Variants in SPIRE2 observed in about 807,000 individuals in gnomAD.
SPIRE2 encodes the protein protein spire homolog 2.
SPIRE2 carries 76 observed loss-of-function variants against 80.7 expected under a neutral mutation model. The observed-to-expected ratio is 0.94, with a 90% CI of 0.78 to 1.14. The LOEUF is 1.14. Ranked by LOEUF, SPIRE2 falls within the 50% of genes most tolerant of loss-of-function variation. The pLI is 0.00. For missense variants in SPIRE2, 1,196 were observed against 1,015.3 expected, an observed-to-expected ratio of 1.18 and a Z score of -2.42; for synonymous variants, 535 against 432.6, an observed-to-expected ratio of 1.24 and a Z score of -2.94.
rs1344555513 is a variant in SPIRE2 at position 89,858,395 on chromosome 16, C to G, written c.1160C>G (p.Ser387Cys). The G allele has an allele frequency of 2.5e-6, 4 of 1,612,182 alleles. No homozygotes were observed. In the African/African-American group the frequency reaches 5.3e-5, roughly 22 times the overall value. ...TGCTCCGGAGATGCCAAGTCCACCT[C>G]CTGCATCAACCTGTCAGTCACAGAT... ...NACSGDAKST[S>C]CINLSVTDAG... The change falls in exon 8 of 15, where the codon TCC (serine) becomes TGC (cysteine). Residue 387 changes from serine (S) to cysteine (C), a missense_variant. Transcript: ENST00000378247.
In SPIRE2 at chr16:89,850,156, G is replaced by T. The variant is rs1281692448; in HGVS notation, c.289-148G>T. 1.3e-5 allele frequency: 10 copies of T among 748,430 alleles called. No individual in the cohort carries two copies. In the East Asian group the frequency reaches 2.4e-4, roughly 18 times the overall value. 46.4% of individuals were successfully genotyped at this position (748,430 alleles called of 1,614,324 possible). On this transcript the variant is annotated intron_variant, in intron 2 of 14. Transcript: ENST00000378247. ...CGGCCGGGAACATCCTTTTCATCCG[G>T]TCCATGTCTTGCTTGTGCCTTGGTC...
chr16:89,863,765 G>C lies in SPIRE2; in HGVS notation c.1711-29G>C, dbSNP rs1567678379. Reference sequence around the variant, plus strand: ...GGGACCCCAGGGAGCTTTGGACAAAGCGGGGCTCTAACCAGTCTCTCCTGA... The same window carrying C: ...GGGACCCCAGGGAGCTTTGGACAAACCGGGGCTCTAACCAGTCTCTCCTGA... On this transcript the variant is annotated intron_variant, in intron 11 of 14. Coordinates refer to ENST00000378247, the MANE Select transcript of SPIRE2 (RefSeq NM_032451.2). The surrounding 1 kb of genome is among the most constrained non-coding windows in gnomAD (Gnocchi z 4.3). 1.2e-6 allele frequency: 2 copies of C among 1,613,518 alleles called. No individual in the cohort carries two copies. Among genetic ancestry groups the C allele is most frequent in the East Asian group, 2.2e-5 (1 of 44,870 alleles).
At chr16:89,836,854 G>A (rs955111220) in intron 1 of SPIRE2, among the ~76,000 whole-genome samples, 1 of 152,004 alleles carries the variant, frequency 6.6e-6, no homozygotes, top group South Asian at 2.1e-4. Flanking sequence ...AGTTAGCTGG[G>A]CGTCGTGGTA....
chr16:89,861,073 C>T (rs1256942129), intron 10 of SPIRE2, among the ~76,000 whole-genome samples: 1 of 152,166 alleles, frequency 6.6e-6, no homozygotes, highest in Non-Finnish European at 1.5e-5. Context: ...GGGGTTAGGG[C>T]AGACGGTGAA....
intron 2 of SPIRE2, among the ~76,000 whole-genome samples, chr16:89,847,997 G>C (rs921619738): frequency 2.6e-5 from 4 of 152,204 alleles, no homozygotes; most frequent in African/African-American, 9.7e-5. Flanking sequence ...TCTGTCCTGT[G>C]CCACGAGGCA....
intron 10 of SPIRE2, 118 bp downstream of exon 10, chr16:89,860,913 G>A (rs919535273): frequency 4.8e-6 from 3 of 629,028 alleles, no homozygotes; most frequent in Admixed American, 3.7e-5. Context: ...GGTGTGGCCT[G>A]AGCGTCCGTC....
chr16:89,837,765 C>T (rs1037320269), intron 1 of SPIRE2, among the ~76,000 whole-genome samples: 6 of 152,162 alleles, frequency 3.9e-5, no homozygotes, highest in African/African-American at 7.2e-5. Context: ...AGGAGGAGGA[C>T]GCCCCGTGCG....
intron 1 of SPIRE2, among the ~76,000 whole-genome samples, chr16:89,841,589 G>C (rs1379005088): frequency 2.0e-5 from 3 of 152,142 alleles, no homozygotes; most frequent in African/African-American, 7.2e-5. Flanking sequence ...TAGGGGTATG[G>C]TCTTGGGTAA....
In SPIRE2 at chr16:89,870,157, C is replaced by T. The variant is rs773376141; in HGVS notation, c.2030C>T (p.Ala677Val). ...TGCAGTGAGTGCACCAGCTTTGTGG[C>T]AGACGTGGTGCGTTCCAGCCGCAAG... ...DVCSECTSFV[A>V]DVVRSSRKSV... The change falls in exon 15 of 15, where the codon GCA (alanine) becomes GTA (valine). Residue 677 changes from alanine (A) to valine (V), a missense_variant. Transcript: ENST00000378247. The T allele has an allele frequency of 3.1e-6, 5 of 1,611,544 alleles. No homozygotes were observed. In the Admixed American group the frequency reaches 5.0e-5, roughly 16 times the overall value.
intron 6 of SPIRE2, 160 bp downstream of exon 6, chr16:89,855,846 T>C: frequency 2.2e-6 from 2 of 901,170 alleles, no homozygotes; most frequent in Non-Finnish European, 3.3e-6. Context: ...CTCTTGCCTG[T>C]GTGCCAGCCC....
At position 89,850,216 on chromosome 16, in the gene SPIRE2, G is replaced by C. The variant is rs768854848; in HGVS notation, c.289-88G>C. 1.6e-5 allele frequency: 17 copies of C among 1,092,164 alleles called. No homozygotes were observed. In the East Asian group the frequency reaches 4.3e-4, roughly 28 times the overall value. 67.7% of individuals were successfully genotyped at this position (1,092,164 alleles called of 1,614,324 possible). On this transcript the variant is annotated intron_variant, in intron 2 of 14. Transcript: ENST00000378247. Reference sequence around the variant, plus strand: ...CCGACAGCTGCTGTCTCCCTGGCCGGGTGCTGGGCCCTCTGCACCCACCAG... The same window carrying C: ...CCGACAGCTGCTGTCTCCCTGGCCGCGTGCTGGGCCCTCTGCACCCACCAG...
chr16:89,850,350 G>C lies in SPIRE2; in HGVS notation c.335G>C (p.Gly112Ala). Residue 112 changes from glycine to alanine, a missense_variant, in exon 3 of 15, where the codon GGG (glycine) becomes GCG (alanine). Physicochemically the swap from Gly to Ala is moderately conservative, Grantham distance 60. Transcript: ENST00000378247. ...GCCATCTACCGCGCGCTGGACTGGG[G>C]GCTGGACGAGAGCGAGGAGCGCGAA... ...GFAIYRALDW[G>A]LDESEERELS... 6.2e-7 allele frequency: 1 copy of C among 1,600,522 alleles called. No homozygotes were observed. Among genetic ancestry groups the C allele is most frequent in the Non-Finnish European group, 8.5e-7 (1 of 1,175,392 alleles).
At chr16:89,843,165 C>A (rs1310649974) in intron 1 of SPIRE2, among the ~76,000 whole-genome samples, 2 of 152,154 alleles carry the variant, frequency 1.3e-5, no homozygotes, top group African/African-American at 2.4e-5. Context: ...TCTTGGGAAC[C>A]CCGGGGGAGG....
intron 5 of SPIRE2, among the ~76,000 whole-genome samples, chr16:89,855,063 C>G (rs2041676652): frequency 6.6e-6 from 1 of 152,282 alleles, no homozygotes; most frequent in Non-Finnish European, 1.5e-5. Flanking sequence ...CTTAGCCTCC[C>G]AAGTAGCTGG....
At chr16:89,830,412 T>C (rs1008961659) in intron 1 of SPIRE2, among the ~76,000 whole-genome samples, 2 of 151,278 alleles carry the variant, frequency 1.3e-5, no homozygotes, top group Non-Finnish European at 3.0e-5. Flanking sequence ...TTTTATGACT[T>C]GCTCTCTCTT....
At chr16:89,835,784 T>C (rs947284522) in intron 1 of SPIRE2, among the ~76,000 whole-genome samples, 1 of 152,210 alleles carries the variant, frequency 6.6e-6, no homozygotes, top group Admixed American at 6.5e-5. Flanking sequence ...CAGCCTCGCC[T>C]GGCTTCTCTG....
At chr16:89,842,208 A>ATTCTTTTTTTTT (rs2041512481) in intron 1 of SPIRE2, among the ~76,000 whole-genome samples, 1 of 81,306 alleles carries the variant, frequency 1.2e-5, no homozygotes, top group Non-Finnish European at 2.1e-5. Context: ...TGAACACGTA[A>ATTCTTTTTTTTT]TTTTTTTTTT....
intron 10 of SPIRE2, chr16:89,861,977 G>A (rs2041748267): frequency 6.6e-6 from 1 of 152,152 alleles, no homozygotes; most frequent in Non-Finnish European, 1.5e-5. Flanking sequence ...TATTCTCAAG[G>A]GGAGGGAGAG....
chr16:89,854,743 C>T (rs1342870767), intron 5 of SPIRE2, 92 bp downstream of exon 5: 1 of 1,326,638 alleles, frequency 7.5e-7, no homozygotes, highest in Non-Finnish European at 1.0e-6. Flanking sequence ...TTGGGCAGCC[C>T]ACCCCAGAGA....
Sources: allele counts gnomAD v4.1 joint callset (sites outside exome capture counted in the v4.1 genomes callset), GRCh38; gene constraint gnomAD v4.1.1; non-coding constraint Gnocchi (gnomAD v3.1); transcripts MANE v1.5; gene names NCBI Gene and HGNC (gene_info 2026-07-23, HGNC 2026-07-21).